The following MLLT3 variants were observed in gnomAD, a reference collection of about 807,000 sequenced individuals.
MLLT3 encodes protein AF-9.
MLLT3 carries 4 observed loss-of-function variants against 53.2 expected under a neutral mutation model. That is an observed-to-expected ratio of 0.08 (90% confidence interval 0.04 to 0.17). The LOEUF (loss-of-function observed/expected upper bound fraction) is 0.17. Ranked by LOEUF, MLLT3 falls within the 10% of genes least tolerant of loss-of-function variation. MLLT3 has a pLI of 1.00. For synonymous variants in MLLT3, 283 were observed against 230.6 expected, an observed-to-expected ratio of 1.23 and a Z score of -2.06; for missense variants, 569 against 684.0, an observed-to-expected ratio of 0.83 and a Z score of 1.87.
At chr9:20,591,624 A>G (rs971088952) in intron 2 of MLLT3, among the ~76,000 whole-genome samples, 4 of 152,196 alleles carry the variant, frequency 2.6e-5, no homozygotes, top group African/African-American at 7.2e-5. Flanking sequence ...GGGAACAAAG[A>G]ATCACCTGAA....
At position 20,414,129 on chromosome 9, in the gene MLLT3, A is replaced by C; in HGVS notation, c.717T>G (p.Asn239Lys). The C allele has an allele frequency of 6.2e-7, 1 of 1,613,514 alleles. No homozygotes were observed. The highest frequency in any genetic ancestry group is 8.5e-7 in the Non-Finnish European group (1 of 1,179,900). The change falls in exon 5 of 11, where the codon AAT becomes AAG. Residue 239 changes from asparagine (N) to lysine (K), a missense_variant. Around this residue, in one of 5 missense-constraint regions of MLLT3, gnomAD observed 437 missense variants for 376.5 expected, o/e 1.16. Coordinates refer to ENST00000380338, the MANE Select transcript of MLLT3 (RefSeq NM_004529.4). ...CTATTTTCTCTTCTTTCAGTGGTTT[A>C]TTTTCTTTGGGTTTCTTAGAGGATT... is the stretch of plus-strand genomic sequence containing the variant. Reference protein sequence around the residue: ...SKESSKKPKENKPLKEEKIVP... With the variant: ...SKESSKKPKEKKPLKEEKIVP...
intron 2 of MLLT3, among the ~76,000 whole-genome samples, chr9:20,611,690 A>C (rs1820706253): frequency 6.6e-6 from 1 of 152,132 alleles, no homozygotes; most frequent in South Asian, 2.1e-4. Context: ...CCAAAAAGTT[A>C]ATTGTTAACT....
chr9:20,471,041 T>C (rs148165947), intron 2 of MLLT3, among the ~76,000 whole-genome samples: 1 of 152,040 alleles, frequency 6.6e-6, no homozygotes. Context: ...CATAAATCTA[T>C]AACATAAGGA....
intron 2 of MLLT3, among the ~76,000 whole-genome samples, chr9:20,544,420 G>A (rs1027057174): frequency 6.6e-6 from 1 of 152,134 alleles, no homozygotes; most frequent in African/African-American, 2.4e-5. Context: ...ATAAGAGGTT[G>A]AACAGGACTT....
intron 8 of MLLT3, among the ~76,000 whole-genome samples, chr9:20,355,964 A>G (rs1821161638): frequency 6.6e-6 from 1 of 152,210 alleles, no homozygotes; most frequent in Non-Finnish European, 1.5e-5. Context: ...TAGTGGCAAG[A>G]GCACTGATTA....
At chr9:20,534,110 A>G (rs1298252281) in intron 2 of MLLT3, among the ~76,000 whole-genome samples, 1 of 152,146 alleles carries the variant, frequency 6.6e-6, no homozygotes, top group African/African-American at 2.4e-5. Flanking sequence ...GTCATCCTTA[A>G]AAAAAAGCTA....
intron 5 of MLLT3, among the ~76,000 whole-genome samples, chr9:20,386,212 T>C (rs904705045): frequency 5.9e-5 from 9 of 152,170 alleles, no homozygotes; most frequent in African/African-American, 1.9e-4. Flanking sequence ...AGTAAGTAAA[T>C]ACAAGAATGG....
chr9:20,555,837 C>G (rs1450487948), intron 2 of MLLT3, among the ~76,000 whole-genome samples: 4 of 152,194 alleles, frequency 2.6e-5, no homozygotes. Flanking sequence ...GAACAAAATG[C>G]TTTTGCAAGT....
intron 2 of MLLT3, among the ~76,000 whole-genome samples, chr9:20,506,775 C>A (rs907654524): frequency 2.6e-5 from 4 of 152,122 alleles, no homozygotes; most frequent in Admixed American, 2.6e-4. Flanking sequence ...TACTTTTACA[C>A]TAATTTATTC....
intron 2 of MLLT3, among the ~76,000 whole-genome samples, chr9:20,548,435 G>C (rs959215566): frequency 1.3e-5 from 2 of 152,126 alleles, no homozygotes; most frequent in Admixed American, 1.3e-4. Flanking sequence ...TCTGAACAAT[G>C]GTAAATGAAA....
intron 2 of MLLT3, among the ~76,000 whole-genome samples, chr9:20,524,527 T>TA (rs1273088498): frequency 1.3e-5 from 2 of 150,350 alleles, no homozygotes; most frequent in African/African-American, 5.0e-5. Flanking sequence ...ATAACTTTTT[T>TA]TAAAAAAAAT....
At chr9:20,590,110 G>C (rs1215216752) in intron 2 of MLLT3, among the ~76,000 whole-genome samples, 1 of 152,136 alleles carries the variant, frequency 6.6e-6, no homozygotes, top group East Asian at 1.9e-4. Flanking sequence ...TTAGAAGTTG[G>C]AAAATCTTTT....
At chr9:20,474,840 C>T (rs1268548122) in intron 2 of MLLT3, among the ~76,000 whole-genome samples, 1 of 152,024 alleles carries the variant, frequency 6.6e-6, no homozygotes, top group Admixed American at 6.6e-5. Context: ...TATATCTATT[C>T]CAAATCTCAT....
chr9:20,481,820 A>C (rs7042746), intron 2 of MLLT3, among the ~76,000 whole-genome samples: 10,690 of 152,226 alleles, frequency 0.07, 1,264 homozygotes, highest in African/African-American at 0.24. Flanking sequence ...TTGTGCCTAA[A>C]AAGCTAAAAC....
intron 5 of MLLT3, among the ~76,000 whole-genome samples, chr9:20,373,300 T>G (rs1220314309): frequency 6.6e-6 from 1 of 152,186 alleles, no homozygotes; most frequent in East Asian, 1.9e-4. Flanking sequence ...ACAATGGGCC[T>G]ACCAGGATTT....
chr9:20,610,314 T>G (rs1820670539), intron 2 of MLLT3, among the ~76,000 whole-genome samples: 1 of 152,080 alleles, frequency 6.6e-6, no homozygotes, highest in South Asian at 2.1e-4. Context: ...GCATCCAAAG[T>G]AAGTGAAGAA....
chr9:20,546,811 T>C (rs1818800467), intron 2 of MLLT3, among the ~76,000 whole-genome samples: 1 of 152,212 alleles, frequency 6.6e-6, no homozygotes, highest in African/African-American at 2.4e-5. Context: ...TCGAGGCTCT[T>C]TGTTTCGGGT....
intron 5 of MLLT3, chr9:20,410,743 T>C (rs1161085669): frequency 3.9e-5 from 6 of 152,196 alleles, no homozygotes; most frequent in Admixed American, 6.5e-5. Context: ...CATTTTTATA[T>C]AAAACCTGAG....
In MLLT3 at chr9:20,342,002, G is replaced by C. The variant is rs768117720; in HGVS notation, c.*4441C>G. On this transcript the variant is annotated 3_prime_UTR_variant, in exon 11 of 11. Transcript: ENST00000380338. Reference sequence around the variant, plus strand: ...CATGAGGGACTCCTAAAATGAATGAGGCATGGACTCTCTGCCTTCAGCTGG... The same window carrying C: ...CATGAGGGACTCCTAAAATGAATGACGCATGGACTCTCTGCCTTCAGCTGG... 1 of 205,426 alleles carries C rather than the reference G, an allele frequency of 4.9e-6. No homozygotes were observed. The highest frequency in any genetic ancestry group is 1.9e-4 in the South Asian group (1 of 5,250). The allele number at this position is 205,426 out of a possible 1,614,324, so 12.7% of individuals were successfully genotyped here.
Sources: gnomAD v4.1 joint callset for allele counts (sites outside exome capture counted in the v4.1 genomes callset) on GRCh38, gnomAD v4.1.1 for gene constraint, gnomAD v4.1.1 regional missense constraint, MANE v1.5 for transcripts, NCBI Gene and HGNC (gene_info 2026-07-23, HGNC 2026-07-21) for gene names.